WDR70: variants seen among roughly 807,000 people sequenced by gnomAD.
The protein encoded by WDR70 is WD repeat-containing protein 70.
Under a neutral mutation model 88.6 loss-of-function variants are expected in WDR70, and 53 were observed. The observed-to-expected ratio is 0.60, with a 90% confidence interval of 0.48 to 0.75. The LOEUF (loss-of-function observed/expected upper bound fraction) is 0.75. Among genes scored for constraint, WDR70 ranks in the 30% least tolerant of loss-of-function variants. The pLI, the probability that WDR70 is intolerant of heterozygous loss-of-function variation, is 0.00. For missense variants in WDR70, 610 were observed against 823.2 expected (o/e 0.74, Z 3.17); for synonymous variants, 280 against 270.0 (o/e 1.04, Z -0.36).
chr5:37,585,289 C>T (rs1415930084), intron 9 of WDR70, among the ~76,000 whole-genome samples: 1 of 152,084 alleles, frequency 6.6e-6, no homozygotes, highest in Non-Finnish European at 1.5e-5. Context: ...CGCGCCCAGC[C>T]TCCTTGTCCA....
intron 7 of WDR70, among the ~76,000 whole-genome samples, chr5:37,474,456 G>A (rs941692327): frequency 2.0e-5 from 3 of 152,066 alleles, no homozygotes; most frequent in Non-Finnish European, 4.4e-5. Flanking sequence ...TTTTAGTTTT[G>A]TAATTTTTTG....
At chr5:37,697,486 C>T (rs1363310398) in intron 10 of WDR70, among the ~76,000 whole-genome samples, 169 bp from the exon 11 acceptor site, 1 of 152,050 alleles carries the variant, frequency 6.6e-6, no homozygotes, top group Non-Finnish European at 1.5e-5. Flanking sequence ...TTTTAAAAGC[C>T]ATTTGGTTTT....
intron 8 of WDR70, among the ~76,000 whole-genome samples, chr5:37,485,858 ATTTTTTTTTTTTTTTTT>A (rs57109943): frequency 5.5e-5 from 6 of 108,290 alleles, no homozygotes; most frequent in Non-Finnish European, 1.1e-4. Context: ...TGCCTGGCTA[ATTTTTTTTTTTTTTTTT>A]TTTTTTTTTT....
chr5:37,697,618 G>A, intron 10 of WDR70, 37 bp from the exon 11 acceptor site: 1 of 1,540,164 alleles, frequency 6.5e-7, no homozygotes, highest in Non-Finnish European at 9.0e-7. Context: ...TCTGAATTGA[G>A]GTGAGATATT....
intron 7 of WDR70, among the ~76,000 whole-genome samples, chr5:37,456,698 AATTACTTTT>A (rs2112093607): frequency 6.6e-6 from 1 of 152,318 alleles, no homozygotes; most frequent in Admixed American, 6.5e-5. Flanking sequence ...AAGCAGCATG[AATTACTTTT>A]ACAACTTACA....
intron 9 of WDR70, among the ~76,000 whole-genome samples, chr5:37,572,166 A>C (rs1581403945): frequency 1.3e-5 from 2 of 152,268 alleles, no homozygotes; most frequent in East Asian, 3.9e-4. Flanking sequence ...GCCAGATTCC[A>C]ACTTCAGTAG....
chr5:37,580,625 G>C (rs1561910114), intron 9 of WDR70, among the ~76,000 whole-genome samples: 1 of 152,128 alleles, frequency 6.6e-6, no homozygotes, highest in Non-Finnish European at 1.5e-5. Flanking sequence ...GATCATACCA[G>C]ATTTGTTTTG....
intron 10 of WDR70, among the ~76,000 whole-genome samples, chr5:37,675,555 A>G (rs1331598568): frequency 6.6e-6 from 1 of 151,764 alleles, no homozygotes; most frequent in Non-Finnish European, 1.5e-5. Context: ...GATATGCAGC[A>G]TTATTTCTGA....
At chr5:37,627,604 A>G (rs909225248) in intron 10 of WDR70, among the ~76,000 whole-genome samples, 1 of 152,126 alleles carries the variant, frequency 6.6e-6, no homozygotes, top group Non-Finnish European at 1.5e-5. Flanking sequence ...GCTGTGTGCC[A>G]TAAGCTTTGG....
At chr5:37,528,124 A>G (rs1441107348) in intron 9 of WDR70, among the ~76,000 whole-genome samples, 1 of 152,244 alleles carries the variant, frequency 6.6e-6, no homozygotes, top group African/African-American at 2.4e-5. Context: ...CCATCCCATT[A>G]CTGGGTATAT....
intron 9 of WDR70, among the ~76,000 whole-genome samples, chr5:37,586,070 T>C (rs529121009): frequency 3.9e-5 from 6 of 152,332 alleles, no homozygotes; most frequent in Non-Finnish European, 8.8e-5. Context: ...CCTTCAAATC[T>C]ACCTTACAAC....
intron 5 of WDR70, among the ~76,000 whole-genome samples, chr5:37,401,457 A>G (rs903484559): frequency 2.0e-5 from 3 of 151,718 alleles, no homozygotes; most frequent in Admixed American, 1.3e-4. Context: ...CTGGAATTAC[A>G]GGCACGCGCC....
At chr5:37,501,596 C>A (rs1740407684) in intron 8 of WDR70, among the ~76,000 whole-genome samples, 1 of 152,150 alleles carries the variant, frequency 6.6e-6, no homozygotes, top group African/African-American at 2.4e-5. Flanking sequence ...ATGGTTTGGA[C>A]AAGTTTGCTT....
intron 8 of WDR70, among the ~76,000 whole-genome samples, chr5:37,491,423 C>T (rs932733985): frequency 2.0e-5 from 3 of 152,170 alleles, no homozygotes; most frequent in African/African-American, 7.2e-5. Context: ...TTGTTCAGTG[C>T]CTTTCTCCAG....
At chr5:37,419,857 TTC>T (rs1440191763) in intron 5 of WDR70, among the ~76,000 whole-genome samples, 1 of 152,112 alleles carries the variant, frequency 6.6e-6, no homozygotes, top group Admixed American at 6.6e-5. Flanking sequence ...CTTTGTTTGT[TTC>T]TCTCAGTTTA....
At chr5:37,592,225 C>T (rs1190229790) in intron 9 of WDR70, among the ~76,000 whole-genome samples, 1 of 152,110 alleles carries the variant, frequency 6.6e-6, no homozygotes, top group East Asian at 1.9e-4. Context: ...TACACATAGC[C>T]TGAAGGTAAT....
At chr5:37,447,985 G>T (rs1361974081) in intron 7 of WDR70, among the ~76,000 whole-genome samples, 3 of 151,956 alleles carry the variant, frequency 2.0e-5, no homozygotes, top group Non-Finnish European at 4.4e-5. Context: ...ATGTTATTTG[G>T]TTACCCTGAA....
chr5:37,396,570 A>C lies in WDR70; in HGVS notation c.492A>C (p.Glu164Asp). ...AAGAAGAGGAAGAGGAGGAAGAGGA[A>C]GTAAGTATTTCAGTGGTAATTTAAG... is the stretch of plus-strand genomic sequence containing the variant. ...EEEEEEEEEEENPVHKIPDSH... is the reference protein window; with the variant it reads ...EEEEEEEEEEDNPVHKIPDSH... The change falls in exon 5 of 18, where the codon GAA (glutamate) becomes GAC (aspartate). Residue 164 changes from glutamate to aspartate, a missense_variant and splice_region_variant. This residue lies in a region of WDR70 where 203 missense variants were observed against 228.1 expected (regional missense o/e 0.89). Transcript: ENST00000265107. 1 of 1,606,552 alleles carries C rather than the reference A, an allele frequency of 6.2e-7. No homozygotes were observed. Among genetic ancestry groups the C allele is most frequent in the Non-Finnish European group, 8.5e-7 (1 of 1,177,830 alleles).
chr5:37,645,400 C>T (rs60589722), intron 10 of WDR70, among the ~76,000 whole-genome samples: 70,926 of 151,750 alleles, frequency 0.47, 18,122 homozygotes, highest in Non-Finnish European at 0.58. Context: ...TGTTTTGTGA[C>T]TTAACTTATG....
Sources: gnomAD v4.1 joint callset for allele counts (sites outside exome capture counted in the v4.1 genomes callset) on GRCh38, gnomAD v4.1.1 for gene constraint, gnomAD v4.1.1 regional missense constraint, MANE v1.5 for transcripts, NCBI Gene and HGNC (gene_info 2026-07-23, HGNC 2026-07-21) for gene names.